The following ETFBKMT variants were observed in gnomAD, a reference collection of about 807,000 sequenced individuals.
ETFBKMT encodes electron transfer flavoprotein subunit beta lysine methyltransferase, also known as electron transfer flavoprotein beta subunit lysine methyltransferase.
Under a neutral mutation model 18.3 loss-of-function variants are expected in ETFBKMT, and 13 were observed. The observed-to-expected ratio is 0.71, with a 90% CI of 0.46 to 1.13. The LOEUF (loss-of-function observed/expected upper bound fraction) is 1.13. Ranked by LOEUF, ETFBKMT falls within the 50% of genes most tolerant of loss-of-function variation. The pLI is 0.00. For synonymous variants in ETFBKMT, 84 were observed against 107.9 expected, an observed-to-expected ratio of 0.78 and a Z score of 1.37; for missense variants, 293 against 306.2, an observed-to-expected ratio of 0.96 and a Z score of 0.32.
intron 2 of ETFBKMT, among the ~76,000 whole-genome samples, chr12:31,662,505 C>CTT (rs35366747): frequency 7.4e-4 from 95 of 128,830 alleles, no homozygotes; most frequent in Middle Eastern, 8.3e-3. Flanking sequence ...TTCTTTCTTT[C>CTT]TTTTTTTTTT....
chr12:31,667,394 G>T (rs1367128882), intron 3 of ETFBKMT, among the ~76,000 whole-genome samples: 4 of 152,154 alleles, frequency 2.6e-5, no homozygotes, highest in African/African-American at 9.7e-5. Flanking sequence ...AATGAAATCA[G>T]CAAATATTCC....
chr12:31,665,598 T>C lies in ETFBKMT; in HGVS notation c.315-489T>C, dbSNP rs183745979. Among the ~76,000 whole-genome samples the C allele has an allele frequency of 4.2e-3, 632 of 151,434 alleles. 1 individual carries two copies. The highest frequency in any genetic ancestry group is 6.8e-3 in the Non-Finnish European group (461 of 67,970). On this transcript the variant is annotated intron_variant, in intron 2 of 3. Coordinates refer to ENST00000357721, the MANE Select transcript of ETFBKMT (RefSeq NM_001135863.2). ...GGAATTAAAGATACACACACAGAAA[T>C]GTAGAGGTGTGAAGTGGGAAATCAG...
At chr12:31,652,688 T>C (rs1334298204) in intron 1 of ETFBKMT, among the ~76,000 whole-genome samples, 1 of 152,144 alleles carries the variant, frequency 6.6e-6, no homozygotes, top group Admixed American at 6.6e-5. Context: ...AGGCTAGAGA[T>C]GATGGTGATT....
At chr12:31,659,861 GA>G (rs1373046452) in intron 1 of ETFBKMT, 72 bp downstream of exon 1, 1 of 151,982 alleles carries the variant, frequency 6.6e-6, no homozygotes, top group African/African-American at 2.4e-5. Flanking sequence ...TTTACAAGCC[GA>G]AGCTGGCCGG....
Position 31,662,728 on chromosome 12 carries a change from T to C in ETFBKMT, c.314+461T>C, listed in dbSNP as rs1001178401. 1.3e-3 allele frequency among the ~76,000 whole-genome samples: 193 copies of C among 152,182 alleles called. 1 individual carries two copies. The highest frequency in any genetic ancestry group is 4.5e-3 in the African/African-American group (185 of 41,518). Reference sequence around the variant, plus strand: ...CAAGTAACTGTCTCCCCAAGAGAAATCCTAGAGTCAGCTGTCAAGACCCTG... The same window carrying C: ...CAAGTAACTGTCTCCCCAAGAGAAACCCTAGAGTCAGCTGTCAAGACCCTG... On this transcript the variant is annotated intron_variant, in intron 2 of 3. Coordinates refer to ENST00000357721, the MANE Select transcript of ETFBKMT (RefSeq NM_001135863.2).
At chr12:31,665,497 CT>C (rs1157909597) in intron 2 of ETFBKMT, among the ~76,000 whole-genome samples, 2 of 151,910 alleles carry the variant, frequency 1.3e-5, no homozygotes, top group African/African-American at 4.8e-5. Flanking sequence ...CTTTTCTTTT[CT>C]TTTTTCTTTT....
At chr12:31,647,661 T>C (rs1418853167) in intron 1 of ETFBKMT, among the ~76,000 whole-genome samples, 4 of 152,100 alleles carry the variant, frequency 2.6e-5, no homozygotes, top group African/African-American at 4.8e-5. Flanking sequence ...AAACCCCGTC[T>C]CTACTAAAAA....
upstream of ETFBKMT, among the ~76,000 whole-genome samples, chr12:31,657,097 A>G (rs1038974296): frequency 6.6e-6 from 1 of 152,258 alleles, no homozygotes; most frequent in Non-Finnish European, 1.5e-5. Context: ...ACAGTTAATA[A>G]GTGTAATTGA....
intron 1 of ETFBKMT, among the ~76,000 whole-genome samples, chr12:31,649,948 G>T (rs75626518): frequency 3.6e-4 from 14 of 38,874 alleles, no homozygotes; most frequent in African/African-American, 1.2e-3. Flanking sequence ...GTAGAGGTGG[G>T]GTTTTGCCAT....
upstream of ETFBKMT, among the ~76,000 whole-genome samples, chr12:31,655,557 A>C (rs1384835315): frequency 6.6e-6 from 1 of 152,206 alleles, no homozygotes; most frequent in Non-Finnish European, 1.5e-5. Flanking sequence ...AACAAAGATG[A>C]CATCCATTAT....
chr12:31,650,502 AC>A (rs752538725), intron 1 of ETFBKMT, among the ~76,000 whole-genome samples: 40 of 152,170 alleles, frequency 2.6e-4, no homozygotes, highest in Non-Finnish European at 4.4e-4. Flanking sequence ...ACTTGCTTTC[AC>A]TTTATGGACT....
intron 1 of ETFBKMT, among the ~76,000 whole-genome samples, chr12:31,653,721 G>A (rs578207723): frequency 4.0e-4 from 61 of 152,322 alleles, no homozygotes; most frequent in African/African-American, 1.2e-3. Flanking sequence ...GCCGAAGTGG[G>A]TGGATCACTT....
chr12:31,663,369 G>C (rs918307635), intron 2 of ETFBKMT, among the ~76,000 whole-genome samples: 19 of 151,664 alleles, frequency 1.3e-4, no homozygotes, highest in Admixed American at 1.2e-3. Context: ...GGGATTACAG[G>C]CGTGAGCCAC....
chr12:31,647,521 T>C (rs893795795), intron 1 of ETFBKMT, among the ~76,000 whole-genome samples: 3 of 152,220 alleles, frequency 2.0e-5, no homozygotes, highest in Non-Finnish European at 4.4e-5. Context: ...TATACCTACA[T>C]CCTATGCTTA....
chr12:31,651,285 T>A (rs994603401), intron 1 of ETFBKMT, among the ~76,000 whole-genome samples: 1 of 149,942 alleles, frequency 6.7e-6, no homozygotes, highest in Non-Finnish European at 1.5e-5. Flanking sequence ...CCATAAAAAT[T>A]CCTTTGAGAA....
chr12:31,657,092 T>C (rs889064391), upstream of ETFBKMT, among the ~76,000 whole-genome samples: 1 of 152,254 alleles, frequency 6.6e-6, no homozygotes, highest in African/African-American at 2.4e-5. Flanking sequence ...ATCATACAGT[T>C]AATAAGTGTA....
At position 31,667,630 on chromosome 12, in the gene ETFBKMT, C is replaced by G; in HGVS notation, c.446-17C>G. On this transcript the variant is annotated splice_polypyrimidine_tract_variant and intron_variant, in intron 3 of 3. Transcript: ENST00000357721. ...CTAGCATATACCAATTCATTTTGTG[C>G]TTTTTTTTTTTTTAAGTTGCAGGAA... 7.3e-7 allele frequency: 1 copy of G among 1,378,004 alleles called. No homozygotes were observed. The highest frequency in any genetic ancestry group is 1.0e-6 in the Non-Finnish European group (1 of 1,001,406). 85.4% of individuals were successfully genotyped at this position (1,378,004 alleles called of 1,614,324 possible).
chr12:31,654,104 T>C (rs1023175132), intron 1 of ETFBKMT, among the ~76,000 whole-genome samples: 36 of 152,134 alleles, frequency 2.4e-4, no homozygotes, highest in African/African-American at 8.4e-4. Flanking sequence ...GGCTGGAGTG[T>C]GGTTGCACGA....
chr12:31,667,058 G>A lies in ETFBKMT; in HGVS notation c.446-589G>A, dbSNP rs144654298. Among the ~76,000 whole-genome samples, 1,488 of 149,364 alleles carry A rather than the reference G, an allele frequency of 1.0e-2. 21 individuals are homozygous for A. The highest frequency in any genetic ancestry group is 0.035 in the African/African-American group (1,418 of 40,366). On this transcript the variant is annotated intron_variant, in intron 3 of 3. Coordinates refer to ENST00000357721, the MANE Select transcript of ETFBKMT (RefSeq NM_001135863.2). ...TGCCCAGGCTGGAGTGCAGTGGCAC[G>A]GTCTTGGCTCACTGCAACCTCCACC... is the stretch of plus-strand genomic sequence containing the variant.
Sources: allele counts gnomAD v4.1 joint callset (sites outside exome capture counted in the v4.1 genomes callset), GRCh38; gene constraint gnomAD v4.1.1; transcripts MANE v1.5; gene names NCBI Gene and HGNC (gene_info 2026-07-23, HGNC 2026-07-21).